SGK1: variants seen among roughly 807,000 people sequenced by gnomAD.
SGK1 encodes serine/threonine-protein kinase Sgk1.
In SGK1, 26 loss-of-function variants were observed where a neutral mutation model predicts 64.2. The observed-to-expected ratio is 0.40, with a 90% confidence interval of 0.30 to 0.56. The LOEUF (loss-of-function observed/expected upper bound fraction) is 0.56. Ranked by LOEUF, SGK1 falls within the 20% of genes least tolerant of loss-of-function variation. SGK1 has a pLI of 0.38. For missense variants in SGK1, 519 were observed against 645.6 expected (o/e 0.80, Z 2.12); for synonymous variants, 265 against 239.7 (o/e 1.11, Z -0.98).
At position 134,191,835 on chromosome 6, in the gene SGK1, A is replaced by ATTTTT. The variant is rs71003671; in HGVS notation, c.361+15516_361+15520dup. ...AGGCATGCGCCACCACGCCCGGCTG[A>ATTTTT]TTTTTTTTTTTTTTTTTTGAGACAG... On this transcript the variant is annotated intron_variant, in intron 3 of 13. Coordinates refer to ENST00000367858, the MANE Select transcript of SGK1 (RefSeq NM_001143676.3). Among the ~76,000 whole-genome samples, 8 of 61,204 alleles carry ATTTTT rather than the reference A, an allele frequency of 1.3e-4. 1 individual carries two copies. Among genetic ancestry groups the ATTTTT allele is most frequent in the African/African-American group, 5.4e-4 (8 of 14,852 alleles). The allele number at this position is 61,204 out of a possible 152,430, so 40.2% of individuals were successfully genotyped here. A position where few individuals can be genotyped will look rare whatever the true frequency, so the allele number is the denominator to read the frequency against.
chr6:134,172,694 C>T lies in SGK1; in HGVS notation c.915G>A (p.Leu305=), dbSNP rs781017090. 6.2e-7 allele frequency: 1 copy of T among 1,613,622 alleles called. No individual in the cohort carries two copies. The highest frequency in any genetic ancestry group is 8.5e-7 in the Non-Finnish European group (1 of 1,179,548). The change falls in exon 9 of 14, where the codon TTG becomes TTA. Residue 305 remains leucine, a synonymous_variant. Transcript: ENST00000367858. Reference sequence around the variant, plus strand: ...CGATGTTCAGTGAATGCAGGTAGCCCAAGGCACTGGCTATTTCAGCAGCAT... The same window carrying T: ...CGATGTTCAGTGAATGCAGGTAGCCTAAGGCACTGGCTATTTCAGCAGCAT... ...RFYAAEIASA[L]GYLHSLNIVY... is the part of the protein sequence containing the mutation.
chr6:134,174,456 A>C (rs551265072), intron 4 of SGK1, 55 bp downstream of exon 4: 1 of 1,331,806 alleles, frequency 7.5e-7, no homozygotes, highest in African/African-American at 1.4e-5. Context: ...GAGAATGTTT[A>C]CCGCTGGCAA....
intron 2 of SGK1, among the ~76,000 whole-genome samples, chr6:134,242,768 A>G (rs894148084): frequency 6.6e-6 from 1 of 152,098 alleles, no homozygotes; most frequent in Non-Finnish European, 1.5e-5. Context: ...CCCATCCTAG[A>G]ATTTTTTAAA....
chr6:134,281,790 G>C (rs1777097992), intron 1 of SGK1, among the ~76,000 whole-genome samples: 1 of 152,100 alleles, frequency 6.6e-6, no homozygotes, highest in Non-Finnish European at 1.5e-5. Flanking sequence ...TCAGGCACAA[G>C]CCACCAAGCC....
intron 9 of SGK1, 115 bp from the exon 10 acceptor site, chr6:134,172,431 TA>T (rs1562237122): frequency 9.4e-7 from 1 of 1,059,270 alleles, no homozygotes; most frequent in Non-Finnish European, 1.4e-6. Context: ...TGTAGTTGTG[TA>T]GTGAAGAAAA....
rs1775068872 is a variant in SGK1 at position 134,172,672 on chromosome 6, T to C, written c.937A>G (p.Ile313Val). The change falls in exon 9 of 14, where the codon ATC becomes GTC. Residue 313 changes from isoleucine to valine, a missense_variant. Physicochemically the swap from Ile to Val is conservative, Grantham distance 29 (BLOSUM62 3). Transcript: ENST00000367858. ...AGCTCTCAGGCTTACCTATAAACGA[T>C]GTTCAGTGAATGCAGGTAGCCCAAG... ...SALGYLHSLNIVYRDLKPENI... is the reference protein window; with the variant it reads ...SALGYLHSLNVVYRDLKPENI... 5 of 1,607,428 alleles carry C rather than the reference T, an allele frequency of 3.1e-6. No individual in the cohort carries two copies. The highest frequency in any genetic ancestry group is 2.2e-5 in the East Asian group (1 of 44,850).
chr6:134,314,773 A>G (rs562857023), intron 1 of SGK1, among the ~76,000 whole-genome samples: 1 of 149,352 alleles, frequency 6.7e-6, no homozygotes, highest in East Asian at 2.0e-4. Context: ...CTTTTTAATT[A>G]GCCCTAATAG....
intron 6 of SGK1, 23 bp from the exon 7 acceptor site, chr6:134,173,380 T>A: frequency 6.2e-7 from 1 of 1,601,828 alleles, no homozygotes. Flanking sequence ...TTTAAAAAAA[T>A]CATTTTTCTA....
At chr6:134,296,055 G>A (rs1387357313) in intron 1 of SGK1, among the ~76,000 whole-genome samples, 2 of 152,220 alleles carry the variant, frequency 1.3e-5, no homozygotes, top group Non-Finnish European at 2.9e-5. Flanking sequence ...AACCACAGTA[G>A]TTGCCAGAGA....
rs376149280 is a variant in SGK1, at chr6:134,172,532, C to G, written c.947+130G>C. 19 of 777,806 alleles carry G rather than the reference C, an allele frequency of 2.4e-5. No individual in the cohort carries two copies. The South Asian group carries it at 3.2e-4, about 13-fold the overall frequency. 48.2% of individuals were successfully genotyped at this position (777,806 alleles called of 1,614,324 possible). A position where few individuals can be genotyped will look rare whatever the true frequency, so the allele number is the denominator to read the frequency against. The stretch of plus-strand genomic sequence containing the variant: ...TTGGCACTTAAGTCAAGCCAGCTCA[C>G]GTGCTAGGGGATCTGGTTTTAGGCA... On this transcript the variant is annotated intron_variant, in intron 9 of 13. Coordinates refer to ENST00000367858, the MANE Select transcript of SGK1 (RefSeq NM_001143676.3).
At chr6:134,216,228 G>T (rs557314220) in intron 2 of SGK1, among the ~76,000 whole-genome samples, 1 of 152,048 alleles carries the variant, frequency 6.6e-6, no homozygotes, top group Non-Finnish European at 1.5e-5. Flanking sequence ...GCTTTCCATG[G>T]ATCACTTTAG....
chr6:134,285,477 C>CAAA (rs778766999), intron 1 of SGK1, among the ~76,000 whole-genome samples: 4 of 68,494 alleles, frequency 5.8e-5, no homozygotes, highest in East Asian at 3.6e-4. Flanking sequence ...GACTCTGCCT[C>CAAA]AAAAAAAAAA....
chr6:134,244,421 C>T (rs181530691), intron 2 of SGK1, among the ~76,000 whole-genome samples: 125 of 152,272 alleles, frequency 8.2e-4, no homozygotes, highest in African/African-American at 2.7e-3. Flanking sequence ...AATAGTGCTG[C>T]AATAAACCTA....
chr6:134,196,099 C>A (rs1346529729), intron 3 of SGK1, among the ~76,000 whole-genome samples: 1 of 152,128 alleles, frequency 6.6e-6, no homozygotes, highest in African/African-American at 2.4e-5. Context: ...CCACAAAATT[C>A]TATAATCTAT....
chr6:134,303,714 G>A (rs899622793), intron 1 of SGK1, among the ~76,000 whole-genome samples: 1 of 151,580 alleles, frequency 6.6e-6, no homozygotes, highest in African/African-American at 2.4e-5. Flanking sequence ...AGCCAAGGAG[G>A]TTGAGGCTGC....
chr6:134,263,837 AG>A (rs1776804731), intron 1 of SGK1, among the ~76,000 whole-genome samples: 1 of 152,102 alleles, frequency 6.6e-6, no homozygotes, highest in Non-Finnish European at 1.5e-5. Flanking sequence ...TAAGGCAGGC[AG>A]GTCACTTGAG....
chr6:134,241,732 T>A (rs184692642), intron 2 of SGK1, among the ~76,000 whole-genome samples: 86 of 152,278 alleles, frequency 5.6e-4, no homozygotes, highest in African/African-American at 2.0e-3. Context: ...GCCATTCTCC[T>A]GCCTCAGCCT....
chr6:134,289,171 T>G (rs1429546764), intron 1 of SGK1, among the ~76,000 whole-genome samples: 1 of 152,226 alleles, frequency 6.6e-6, no homozygotes, highest in Non-Finnish European at 1.5e-5. Context: ...CCTTTAGCCT[T>G]CATAGGGGCT....
chr6:134,291,793 G>C (rs1777269217), intron 1 of SGK1, among the ~76,000 whole-genome samples: 1 of 152,154 alleles, frequency 6.6e-6, no homozygotes, highest in African/African-American at 2.4e-5. Flanking sequence ...AGGCACGATG[G>C]GTCACGCCTG....
Sources: allele counts gnomAD v4.1 joint callset (sites outside exome capture counted in the v4.1 genomes callset), GRCh38; gene constraint gnomAD v4.1.1; transcripts MANE v1.5; gene names NCBI Gene and HGNC (gene_info 2026-07-23, HGNC 2026-07-21).